The following FAT4 variants were observed in gnomAD, a reference collection of about 807,000 sequenced individuals.
The protein encoded by FAT4 is FAT atypical cadherin 4.
In FAT4, 84 loss-of-function variants were observed where a neutral mutation model predicts 303.9. The ratio of observed to expected loss-of-function variants is 0.28; its 90% CI spans 0.23 to 0.33. The LOEUF is 0.33. Among genes scored for constraint, FAT4 ranks in the 10% least tolerant of loss-of-function variants. FAT4 has a pLI of 1.00. For missense variants in FAT4, 6,005 were observed against 6,146.8 expected, an observed-to-expected ratio of 0.98 and a Z score of 0.77; for synonymous variants, 2,307 against 2,298.8, an observed-to-expected ratio of 1.00 and a Z score of -0.10.
intron 9 of FAT4, among the ~76,000 whole-genome samples, chr4:125,447,817 C>T (rs1343215448): frequency 9.2e-5 from 14 of 151,998 alleles, no homozygotes; most frequent in Admixed American, 9.2e-4. Context: ...TCCCTCAATT[C>T]TTATTTCTTA....
chr4:125,399,924 G>A (rs1176916146), intron 3 of FAT4, among the ~76,000 whole-genome samples: 1 of 151,720 alleles, frequency 6.6e-6, no homozygotes, highest in Non-Finnish European at 1.5e-5. Flanking sequence ...TATTTCTATT[G>A]TTGATAGATA....
intron 7 of FAT4, among the ~76,000 whole-genome samples, chr4:125,421,145 A>ACAGACAAT (rs1330986369): frequency 6.6e-6 from 1 of 151,994 alleles, no homozygotes; most frequent in African/African-American, 2.4e-5. Flanking sequence ...CTGGTCTCGA[A>ACAGACAAT]CCCCTGAGCA....
intron 2 of FAT4, among the ~76,000 whole-genome samples, chr4:125,340,989 G>A (rs1418782939): frequency 6.6e-6 from 1 of 152,168 alleles, no homozygotes; most frequent in Admixed American, 6.5e-5. Flanking sequence ...AATGTGTTAT[G>A]TGTTGTTATG....
chr4:125,368,109 T>C (rs1197999664), intron 2 of FAT4, among the ~76,000 whole-genome samples: 1 of 152,130 alleles, frequency 6.6e-6, no homozygotes, highest in Non-Finnish European at 1.5e-5. Context: ...TAAGTATTTA[T>C]AGACAAAAAT....
intron 2 of FAT4, among the ~76,000 whole-genome samples, chr4:125,372,363 C>CAAAAAAAAAAAA (rs200201646): frequency 1.2e-5 from 1 of 86,304 alleles, no homozygotes. Flanking sequence ...GACCCTGTTT[C>CAAAAAAAAAAAA]AAAAAAAAAA....
intron 7 of FAT4, among the ~76,000 whole-genome samples, chr4:125,431,580 A>G (rs1506356): frequency 0.99 from 150,921 of 152,336 alleles, 74,774 homozygotes; most frequent in East Asian, 1. Context: ...TGGGTAACAT[A>G]GAATATAATT....
intron 2 of FAT4, chr4:125,362,908 T>C (rs1253526947): frequency 1.3e-5 from 2 of 151,960 alleles, no homozygotes; most frequent in African/African-American, 2.4e-5. Flanking sequence ...ACCCCCCGAC[T>C]ACTGCACTTG....
At chr4:125,395,052 G>C (rs916567810) in intron 2 of FAT4, among the ~76,000 whole-genome samples, 10 of 152,118 alleles carry the variant, frequency 6.6e-5, no homozygotes. Flanking sequence ...TCAGAATCTT[G>C]CAATTCTTGG....
chr4:125,377,490 G>C (rs961583302), intron 2 of FAT4, among the ~76,000 whole-genome samples: 10 of 151,880 alleles, frequency 6.6e-5, no homozygotes, highest in African/African-American at 2.4e-4. Context: ...AGTCAGTTTT[G>C]GTTTTGCTAA....
rs150942044 is a variant in FAT4, at chr4:125,462,208, G to A, written c.11801-1355G>A. On this transcript the variant is annotated intron_variant, in intron 10 of 17. Coordinates refer to ENST00000394329, the MANE Select transcript of FAT4 (RefSeq NM_001291303.3). ...TTCAGACCAGAATAAGTGTGGCTCC[G>A]TAATCAAGCCACAAAAACAGAACCA... is the stretch of plus-strand genomic sequence containing the variant. Among the ~76,000 whole-genome samples, 545 of 152,010 alleles carry A rather than the reference G, an allele frequency of 3.6e-3. 14 individuals are homozygous for A. In the South Asian group the frequency reaches 0.046, roughly 13 times the overall value.
intron 2 of FAT4, among the ~76,000 whole-genome samples, chr4:125,346,781 C>T (rs1732019734): frequency 6.6e-6 from 1 of 151,920 alleles, no homozygotes; most frequent in Non-Finnish European, 1.5e-5. Context: ...GGCCAAACAA[C>T]CTGGTATTGA....
At chr4:125,406,464 G>A (rs1285982440) in intron 3 of FAT4, among the ~76,000 whole-genome samples, 1 of 152,144 alleles carries the variant, frequency 6.6e-6, no homozygotes. Flanking sequence ...TCTCAAGATT[G>A]TTTTGGCTAT....
At chr4:125,475,211 C>G (rs1047162540) in intron 12 of FAT4, among the ~76,000 whole-genome samples, 1 of 151,986 alleles carries the variant, frequency 6.6e-6, no homozygotes, top group African/African-American at 2.4e-5. Flanking sequence ...TGTCATTTGT[C>G]AAATTTTAAT....
In FAT4 at chr4:125,491,110, G is replaced by A. The variant is rs773857438; in HGVS notation, c.14294G>A (p.Gly4765Asp). 11 of 1,614,168 alleles carry A rather than the reference G, an allele frequency of 6.8e-6. No individual in the cohort carries two copies. In the South Asian group the frequency reaches 1.2e-4, roughly 18 times the overall value. ...SKSPQAMASH[G>D]SRPGSRLKQP... ...AGTCCTCAGGCCATGGCATCACATG[G>A]TTCTAGACCAGGGAGTCGCCTAAAG... Residue 4765 changes from glycine to aspartate, a missense_variant, in exon 18 of 18, where the codon GGT becomes GAT. Physicochemically the swap from Gly to Asp is moderately conservative, Grantham distance 94. Transcript: ENST00000394329.
intron 2 of FAT4, among the ~76,000 whole-genome samples, chr4:125,391,367 A>G (rs1218479417): frequency 6.6e-6 from 1 of 152,196 alleles, no homozygotes; most frequent in Non-Finnish European, 1.5e-5. Context: ...TGTCCTTTTC[A>G]GGGAAATGGA....
intron 2 of FAT4, among the ~76,000 whole-genome samples, chr4:125,374,474 T>G: frequency 6.6e-6 from 1 of 152,206 alleles, no homozygotes; most frequent in East Asian, 1.9e-4. Context: ...CCATCTTGGC[T>G]TCAACAGAAA....
intron 3 of FAT4, among the ~76,000 whole-genome samples, chr4:125,399,687 A>G (rs929082654): frequency 1.3e-5 from 2 of 151,972 alleles, no homozygotes; most frequent in African/African-American, 4.8e-5. Context: ...AAATAATAAA[A>G]TAATTTTAAC....
intron 2 of FAT4, among the ~76,000 whole-genome samples, chr4:125,360,436 G>A (rs990216259): frequency 1.3e-5 from 2 of 152,088 alleles, no homozygotes; most frequent in African/African-American, 2.4e-5. Flanking sequence ...AGTTCTTAGC[G>A]GGGAGTTTGG....
At position 125,490,666 on chromosome 4, in the gene FAT4, A is replaced by G; in HGVS notation, c.13850A>G (p.Gln4617Arg). Residue 4617 changes from glutamine to arginine, a missense_variant, in exon 18 of 18, where the codon CAG (glutamine) becomes CGG (arginine). Physicochemically the swap from Gln to Arg is conservative, Grantham distance 43. Coordinates refer to ENST00000394329, the MANE Select transcript of FAT4 (RefSeq NM_001291303.3). ...AGCGCCCCTTTGGCATCTCCAGAGC[A>G]GGAGATAGAGCACTATGACATTGAC... ...IPSAPLASPEQEIEHYDIDNA... is the reference protein window; with the variant it reads ...IPSAPLASPEREIEHYDIDNA... The G allele has an allele frequency of 6.2e-7, 1 of 1,614,192 alleles. No individual in the cohort carries two copies. Among genetic ancestry groups the G allele is most frequent in the East Asian group, 2.2e-5 (1 of 44,858 alleles).
Sources: gnomAD v4.1 joint callset for allele counts (sites outside exome capture counted in the v4.1 genomes callset) on GRCh38, gnomAD v4.1.1 for gene constraint, MANE v1.5 for transcripts, NCBI Gene and HGNC (gene_info 2026-07-23, HGNC 2026-07-21) for gene names.